The following XKR6 variants were observed in gnomAD, a reference collection of about 807,000 sequenced individuals.
The protein encoded by XKR6 is XK-related protein 6.
In XKR6, 22 loss-of-function variants were observed where a neutral mutation model predicts 56.7. That is an observed-to-expected ratio of 0.39 (90% CI 0.28 to 0.55). XKR6 has a LOEUF of 0.55. XKR6 is among the 20% of genes least tolerant of loss of function. The pLI is 0.66. For synonymous variants in XKR6, 524 were observed against 387.8 expected (o/e 1.35, Z -4.13); for missense variants, 852 against 889.0 (o/e 0.96, Z 0.53).
At chr8:11,093,461 T>C (rs59229171) in intron 1 of XKR6, among the ~76,000 whole-genome samples, 8,075 of 152,266 alleles carry the variant, frequency 0.053, 745 homozygotes, top group African/African-American at 0.18. Context: ...GCAGTTCTGG[T>C]GCTTCCCTGC....
rs116681990 is a variant in XKR6 at position 11,061,875 on chromosome 8, G to C, written c.765-137045C>G. ...GGAGGCTGTTAAAATGAGTCTGTGT[G>C]CTTGGGTCAGGCAAGGACGCGGCCA... On this transcript the variant is annotated intron_variant, in intron 1 of 2. Coordinates refer to ENST00000416569, the MANE Select transcript of XKR6 (RefSeq NM_173683.4). Among the ~76,000 whole-genome samples, 548 of 152,308 alleles carry C rather than the reference G, an allele frequency of 3.6e-3. 3 individuals are homozygous for C. Among genetic ancestry groups the C allele is most frequent in the African/African-American group, 0.012 (488 of 41,570 alleles).
chr8:10,987,448 A>G (rs1315417204), intron 1 of XKR6, among the ~76,000 whole-genome samples: 2 of 152,156 alleles, frequency 1.3e-5, no homozygotes, highest in Admixed American at 6.5e-5. Flanking sequence ...CCCATATCCA[A>G]TGTATTATCA....
chr8:11,171,963 G>T (rs192404747), intron 1 of XKR6, among the ~76,000 whole-genome samples: 2 of 151,788 alleles, frequency 1.3e-5, no homozygotes, highest in East Asian at 3.9e-4. Flanking sequence ...TGAAGCAAAA[G>T]AATCGCTTGA....
intron 1 of XKR6, among the ~76,000 whole-genome samples, chr8:10,958,327 C>T (rs1801960140): frequency 6.6e-6 from 1 of 152,192 alleles, no homozygotes; most frequent in Admixed American, 6.5e-5. Context: ...GCATGTGAGT[C>T]TTTAGAGCCG....
At chr8:11,071,008 G>T (rs916019553) in intron 1 of XKR6, among the ~76,000 whole-genome samples, 50 of 152,218 alleles carry the variant, frequency 3.3e-4, no homozygotes, top group South Asian at 4.1e-4. Flanking sequence ...CACACAGTGG[G>T]TACGGCTGTG....
chr8:11,037,031 T>C lies in XKR6; in HGVS notation c.765-112201A>G, dbSNP rs140041695. Among the ~76,000 whole-genome samples the C allele has an allele frequency of 4.4e-3, 673 of 152,332 alleles. 8 individuals are homozygous for C. The highest frequency in any genetic ancestry group is 0.016 in the African/African-American group (651 of 41,578). ...CGTCGGTGCCCTCTGCAGGTTTTTG[T>C]ATTTATTATGATCCTACTTATACTT... On this transcript the variant is annotated intron_variant, in intron 1 of 2. Transcript: ENST00000416569.
At chr8:10,912,273 A>G (rs11250086) in intron 2 of XKR6, among the ~76,000 whole-genome samples, 59,516 of 108,554 alleles carry the variant, frequency 0.55, 16,310 homozygotes, top group African/African-American at 0.68. Context: ...TACAGAGAGA[A>G]ATGGTGTGTA....
intron 1 of XKR6, chr8:11,108,838 G>A (rs1329669684): frequency 6.5e-6 from 1 of 155,014 alleles, no homozygotes; most frequent in Non-Finnish European, 1.4e-5. Flanking sequence ...TACACCCACA[G>A]AAACCACACG....
At chr8:11,166,381 TC>T (rs1170309284) in intron 1 of XKR6, among the ~76,000 whole-genome samples, 1 of 152,094 alleles carries the variant, frequency 6.6e-6, no homozygotes, top group African/African-American at 2.4e-5. Flanking sequence ...AAAGTTTGTT[TC>T]CCAGCTAAAT....
At chr8:11,109,154 G>A (rs1403171253) in intron 1 of XKR6, 3 of 152,108 alleles carry the variant, frequency 2.0e-5, no homozygotes, top group African/African-American at 7.2e-5. Flanking sequence ...CATAAAATCT[G>A]AATAAAAGTG....
Position 11,114,727 on chromosome 8 carries a change from ATGTGTGTGTGTGTGTG to A in XKR6, c.764+85833_764+85848del, listed in dbSNP as rs58011023. Among the ~76,000 whole-genome samples, 185 of 118,486 alleles carry A rather than the reference ATGTGTGTGTGTGTGTG, an allele frequency of 1.6e-3. 3 individuals carry two copies. Among genetic ancestry groups the A allele is most frequent in the South Asian group, 6.2e-3 (23 of 3,734 alleles). 77.7% of individuals were successfully genotyped at this position (118,486 alleles called of 152,430 possible). A position where few individuals can be genotyped will look rare whatever the true frequency, so the allele number is the denominator to read the frequency against. On this transcript the variant is annotated intron_variant, in intron 1 of 2. Coordinates refer to ENST00000416569, the MANE Select transcript of XKR6 (RefSeq NM_173683.4). ...ATGAAGTCAGCTACTTAGATCACAT[ATGTGTGTGTGTGTGTG>A]TGTGTGTGTGTGTGTGTGTGTGTGT...
At position 11,041,163 on chromosome 8, in the gene XKR6, C is replaced by T. The variant is rs140000377; in HGVS notation, c.765-116333G>A. On this transcript the variant is annotated intron_variant, in intron 1 of 2. Coordinates refer to ENST00000416569, the MANE Select transcript of XKR6 (RefSeq NM_173683.4). ...CTCAGTGTACCGTACATCCCTGAAA[C>T]GCATTTTAGAAATGTTATTCATGAG... 3.2e-3 allele frequency among the ~76,000 whole-genome samples: 490 copies of T among 152,140 alleles called. 2 individuals are homozygous for T. Among genetic ancestry groups the T allele is most frequent in the African/African-American group, 0.011 (455 of 41,492 alleles).
chr8:11,029,821 C>A (rs1798951581), intron 1 of XKR6, among the ~76,000 whole-genome samples: 1 of 152,116 alleles, frequency 6.6e-6, no homozygotes, highest in Non-Finnish European at 1.5e-5. Flanking sequence ...ATTTTCAATT[C>A]TCAATTTCCC....
At chr8:10,900,257 C>T (rs769697514) in intron 2 of XKR6, among the ~76,000 whole-genome samples, 14 of 152,114 alleles carry the variant, frequency 9.2e-5, no homozygotes, top group Non-Finnish European at 1.8e-4. Context: ...TACAGAAGCC[C>T]CATTCATCAA....
intron 1 of XKR6, among the ~76,000 whole-genome samples, chr8:11,129,954 G>A (rs1214876033): frequency 1.3e-5 from 2 of 152,132 alleles, no homozygotes; most frequent in Non-Finnish European, 2.9e-5. Flanking sequence ...AAGCTCAAGT[G>A]TCAATCTGAA....
chr8:10,904,220 C>G (rs1450873264), intron 2 of XKR6, among the ~76,000 whole-genome samples: 3 of 152,160 alleles, frequency 2.0e-5, no homozygotes. Context: ...GGCAGCATGC[C>G]CACTGCGCTG....
rs770354713 is a variant in XKR6, at chr8:10,898,651, G to A, written c.1227C>T (p.Cys409=). The A allele has an allele frequency of 6.2e-7, 1 of 1,614,162 alleles. No individual in the cohort carries two copies. The highest frequency in any genetic ancestry group is 8.5e-7 in the Non-Finnish European group (1 of 1,180,046). The part of the protein sequence containing the change: ...FWIIHGGTDF[C]MSKWEEILFN... ...AGAGGATCTCCTCCCACTTGGACAT[G>A]CAGAAGTCTGTTCCGCCATGGATGA... The change falls in exon 3 of 3, where the codon TGC becomes TGT. Residue 409 remains cysteine, a synonymous_variant. Transcript: ENST00000416569. The surrounding 1 kb of genome is among the most constrained non-coding windows in gnomAD (Gnocchi z 6.6).
chr8:11,053,956 T>G (rs1799617319), intron 1 of XKR6, among the ~76,000 whole-genome samples: 1 of 152,188 alleles, frequency 6.6e-6, no homozygotes, highest in South Asian at 2.1e-4. Context: ...CATGGGAAAA[T>G]GCAAAGAACT....
chr8:10,935,371 T>A, intron 1 of XKR6, among the ~76,000 whole-genome samples: 1 of 130,032 alleles, frequency 7.7e-6, no homozygotes, highest in Non-Finnish European at 1.7e-5. Flanking sequence ...CATTGATTTT[T>A]TGAAGGGTTT....
Sources: gnomAD v4.1 joint callset for allele counts (sites outside exome capture counted in the v4.1 genomes callset) on GRCh38, gnomAD v4.1.1 for gene constraint, Gnocchi (gnomAD v3.1) non-coding constraint, MANE v1.5 for transcripts, NCBI Gene and HGNC (gene_info 2026-07-23, HGNC 2026-07-21) for gene names.